FARP2: variants seen among roughly 807,000 people sequenced by gnomAD.
FARP2 encodes the protein FERM, ARHGEF and pleckstrin domain-containing protein 2.
A neutral mutation model predicts 130.5 loss-of-function variants in FARP2; 111 were observed. That is an observed-to-expected ratio of 0.85 (90% CI 0.73 to 1.00). FARP2 has a LOEUF of 1.00. Ranked by LOEUF, FARP2 falls within the 50% of genes least tolerant of loss-of-function variation. The probability of loss-of-function intolerance (pLI) is 0.00; values close to 1 mark genes in which losing one functional copy is unlikely to be tolerated. For missense variants in FARP2, 1,385 were observed against 1,346.3 expected (o/e 1.03, Z -0.45); for synonymous variants, 504 against 516.9 (o/e 0.98, Z 0.34).
chr2:241,372,340 C>T (rs1376272662), intron 1 of FARP2, among the ~76,000 whole-genome samples: 6 of 152,116 alleles, frequency 3.9e-5, no homozygotes, highest in African/African-American at 4.8e-5. Context: ...GCATGTGGTC[C>T]TTGTTACCCT....
At chr2:241,427,448 C>T (rs1466757753) in intron 8 of FARP2, among the ~76,000 whole-genome samples, 2 of 152,030 alleles carry the variant, frequency 1.3e-5, no homozygotes, top group Non-Finnish European at 2.9e-5. Flanking sequence ...CACCAGAGCT[C>T]GGGAGACCAG....
At chr2:241,450,447 C>G (rs982870364) in intron 13 of FARP2, among the ~76,000 whole-genome samples, 4 of 152,094 alleles carry the variant, frequency 2.6e-5, no homozygotes, top group South Asian at 2.1e-4. Context: ...GTGGGCGGAT[C>G]ACGAGGTCAG....
chr2:241,431,641 C>A, intron 8 of FARP2, 38 bp from the exon 9 acceptor site: 1 of 1,019,780 alleles, frequency 9.8e-7, no homozygotes, highest in South Asian at 1.3e-5. Context: ...GGTTATGTGC[C>A]AGATACAAAT....
chr2:241,445,162 G>A (rs954994475), intron 13 of FARP2: 1 of 145,728 alleles, frequency 6.9e-6, no homozygotes, highest in Non-Finnish European at 1.5e-5. Context: ...GAATTCCTGG[G>A]CTCCAGCAGT....
At chr2:241,373,806 G>A (rs1417906726) in intron 2 of FARP2, among the ~76,000 whole-genome samples, 3 of 152,088 alleles carry the variant, frequency 2.0e-5, no homozygotes, top group Non-Finnish European at 4.4e-5. Flanking sequence ...AATTTTCTAG[G>A]TCAATGATAA....
rs1359943017 is a variant in FARP2 at position 241,483,524 on chromosome 2, GT to G, written c.2328del (p.Leu777CysfsTer71). ...LTKKGLQQRM[F>X]FLFSDMLLYT... is the part of the protein sequence containing the mutation. The stretch of plus-strand genomic sequence containing the variant: ...CCAAGAAGGGCCTGCAGCAGAGGAT[GT>G]TTTTTCTGGTAGGTTCTCTCCCCAC... On this transcript the variant is annotated frameshift_variant, in exon 20 of 27. Transcript: ENST00000264042. LOFTEE classifies it high-confidence loss of function. 1 of 1,614,080 alleles carries G rather than the reference GT, an allele frequency of 6.2e-7. No homozygotes were observed. The highest frequency in any genetic ancestry group is 8.5e-7 in the Non-Finnish European group (1 of 1,179,872).
intron 7 of FARP2, among the ~76,000 whole-genome samples, chr2:241,415,989 CTGTGTGTGTGTGTGTGTG>C (rs57774022): frequency 1.3e-3 from 182 of 141,792 alleles, no homozygotes; most frequent in Middle Eastern, 3.6e-3. Flanking sequence ...CAGGGTAGTT[CTGTGTGTGTGTGTGTGTG>C]TGTGTGTGTG....
intron 17 of FARP2, among the ~76,000 whole-genome samples, chr2:241,465,126 A>G (rs1450215147): frequency 6.6e-6 from 1 of 152,070 alleles, no homozygotes. Flanking sequence ...CTTTTTCTCC[A>G]CTGATAATAG....
Position 241,457,276 on chromosome 2 carries a change from C to T in FARP2, c.1587+354C>T, listed in dbSNP as rs540872765. ...TTCCCACCTTCCTCATTTCTCCCTCCCGTCCTCCCTCCTTTGCTCCTTTCT... is the reference window on the plus strand; with the variant it reads ...TTCCCACCTTCCTCATTTCTCCCTCTCGTCCTCCCTCCTTTGCTCCTTTCT... On this transcript the variant is annotated intron_variant, in intron 14 of 26. Coordinates refer to ENST00000264042, the MANE Select transcript of FARP2 (RefSeq NM_014808.4). Among the ~76,000 whole-genome samples the T allele has an allele frequency of 4.1e-5, 6 of 147,146 alleles. No homozygotes were observed. The East Asian group carries it at 5.9e-4, about 14-fold the overall frequency.
intron 22 of FARP2, 43 bp from the exon 23 acceptor site, chr2:241,491,018 C>A: frequency 1.3e-6 from 2 of 1,484,258 alleles, no homozygotes; most frequent in Non-Finnish European, 1.9e-6. Context: ...GGGCCCTACA[C>A]AAGGAAGAGC....
chr2:241,373,062 GTTT>G lies in FARP2; in HGVS notation c.-24-11_-24-9del. 8.6e-6 allele frequency: 8 copies of G among 927,804 alleles called. No individual in the cohort carries two copies. Among genetic ancestry groups the G allele is most frequent in the East Asian group, 3.3e-5 (1 of 29,994 alleles). 57.5% of individuals were successfully genotyped at this position (927,804 alleles called of 1,614,324 possible). A position where few individuals can be genotyped will look rare whatever the true frequency, so the allele number is the denominator to read the frequency against. ...AATAATGTGATAATTCCTTCATGTGGTTTTTTTTTTTTTCATTTTAGTGTTTTC... is the reference window on the plus strand; with the variant it reads ...AATAATGTGATAATTCCTTCATGTGGTTTTTTTTTTCATTTTAGTGTTTTC... On this transcript the variant is annotated intron_variant, in intron 1 of 26. Transcript: ENST00000264042.
chr2:241,402,641 A>G (rs2062198064), intron 2 of FARP2, among the ~76,000 whole-genome samples: 1 of 150,910 alleles, frequency 6.6e-6, no homozygotes, highest in African/African-American at 2.4e-5. Context: ...TTTGTGAGTA[A>G]TGTACAATAA....
Position 241,438,823 on chromosome 2 carries a change from G to T in FARP2, c.1158+2285G>T, listed in dbSNP as rs542704856. On this transcript the variant is annotated intron_variant, in intron 12 of 26. Coordinates refer to ENST00000264042, the MANE Select transcript of FARP2 (RefSeq NM_014808.4). Reference sequence around the variant, plus strand: ...TTTTTTTATTTTTCAGTGGAGACGGGGTTTCACTGTGTTAGCCAGGATGGT... The same window carrying T: ...TTTTTTTATTTTTCAGTGGAGACGGTGTTTCACTGTGTTAGCCAGGATGGT... Among the ~76,000 whole-genome samples, 22 of 151,768 alleles carry T rather than the reference G, an allele frequency of 1.4e-4. 2 individuals carry two copies. The South Asian group carries it at 4.6e-3, about 32-fold the overall frequency.
In FARP2 at chr2:241,492,994, C is replaced by T. The variant is rs372550589; in HGVS notation, c.2853C>T (p.Val951=). The T allele has an allele frequency of 1.3e-5, 21 of 1,611,616 alleles. No homozygotes were observed. Among genetic ancestry groups the T allele is most frequent in the South Asian group, 8.8e-5 (8 of 91,016 alleles). ...KNSHGWQKLW[V]VFTNFCLFFY... ...GTCATGGCTGGCAGAAGCTCTGGGT[C>T]GTCTTTACCAACTTCTGTTTGTTCT... The change falls in exon 25 of 27, where the codon GTC becomes GTT. Residue 951 remains valine (V), a synonymous_variant. Coordinates refer to ENST00000264042, the MANE Select transcript of FARP2 (RefSeq NM_014808.4).
chr2:241,453,479 A>C (rs371576814), intron 13 of FARP2, among the ~76,000 whole-genome samples: 1 of 144,794 alleles, frequency 6.9e-6, no homozygotes, highest in Non-Finnish European at 1.5e-5. Context: ...AAAATTAGCC[A>C]GGCATGGTGG....
intron 1 of FARP2, among the ~76,000 whole-genome samples, chr2:241,366,887 G>A (rs987181781): frequency 1.3e-5 from 2 of 152,074 alleles, no homozygotes. Flanking sequence ...ATTGAAACCT[G>A]AGTGTGCTGG....
chr2:241,368,593 G>A (rs909157290), intron 1 of FARP2, among the ~76,000 whole-genome samples: 3 of 152,056 alleles, frequency 2.0e-5, no homozygotes, highest in Non-Finnish European at 2.9e-5. Context: ...GAGGTTAACC[G>A]ACAGTCACAA....
intron 2 of FARP2, among the ~76,000 whole-genome samples, chr2:241,399,451 C>T (rs1303997747): frequency 6.6e-6 from 1 of 152,156 alleles, no homozygotes; most frequent in African/African-American, 2.4e-5. Flanking sequence ...ACTACAGGCA[C>T]ACGCCGCCAC....
At chr2:241,465,493 G>T (rs1478329719) in intron 17 of FARP2, 1 of 1,550,610 alleles carries the variant, frequency 6.4e-7, no homozygotes, top group East Asian at 2.4e-5. Context: ...TGTAGCAGGG[G>T]TCACAAAAAT....
Sources: allele counts gnomAD v4.1 joint callset (sites outside exome capture counted in the v4.1 genomes callset), GRCh38; gene constraint gnomAD v4.1.1; transcripts MANE v1.5; gene names NCBI Gene and HGNC (gene_info 2026-07-23, HGNC 2026-07-21).